NAV2: variants seen among roughly 807,000 people sequenced by gnomAD.
The protein encoded by NAV2 is helicase, APC down-regulated 1.
NAV2 carries 54 observed loss-of-function variants against 223.2 expected under a neutral mutation model. That is an observed-to-expected ratio of 0.24 (90% CI 0.19 to 0.30). The LOEUF is 0.30. Among genes scored for constraint, NAV2 ranks in the 10% least tolerant of loss-of-function variants. The pLI, the probability that NAV2 is intolerant of heterozygous loss-of-function variation, is 1.00. For missense variants in NAV2, 2,806 were observed against 3,147.5 expected, an observed-to-expected ratio of 0.89 and a Z score of 2.60; for synonymous variants, 1,279 against 1,239.3, an observed-to-expected ratio of 1.03 and a Z score of -0.67.
intron 1 of NAV2, among the ~76,000 whole-genome samples, chr11:19,774,501 G>A (rs1004199509): frequency 1.2e-4 from 19 of 152,160 alleles, no homozygotes; most frequent in Admixed American, 1.2e-3. Flanking sequence ...TGACCCAGCT[G>A]TACACTATAC....
intron 1 of NAV2, among the ~76,000 whole-genome samples, chr11:19,742,193 A>T (rs2052900920): frequency 6.6e-6 from 1 of 152,208 alleles, no homozygotes; most frequent in African/African-American, 2.4e-5. Flanking sequence ...TTTTTGGAAG[A>T]CCATGGACTC....
chr11:19,550,134 G>A (rs867463165), intron 1 of NAV2, among the ~76,000 whole-genome samples: 7 of 152,188 alleles, frequency 4.6e-5, no homozygotes, highest in Admixed American at 6.5e-5. Flanking sequence ...CCCGGAGGCA[G>A]CCAGAAAAAC....
intron 1 of NAV2, among the ~76,000 whole-genome samples, chr11:19,447,326 T>A (rs1465809532): frequency 6.6e-6 from 1 of 152,232 alleles, no homozygotes; most frequent in Non-Finnish European, 1.5e-5. Context: ...ATTTGCACCT[T>A]GCTTCGTGGT....
chr11:19,596,206 G>C (rs2046203180), intron 1 of NAV2, among the ~76,000 whole-genome samples: 2 of 152,182 alleles, frequency 1.3e-5, no homozygotes, highest in African/African-American at 2.4e-5. Context: ...CCCAGGGAAG[G>C]CTGGTTTCCT....
At chr11:19,498,356 T>G (rs893338770) in intron 1 of NAV2, among the ~76,000 whole-genome samples, 41 of 152,242 alleles carry the variant, frequency 2.7e-4, no homozygotes, top group African/African-American at 9.2e-4. Flanking sequence ...ATTGGCAGAC[T>G]TAGGTTTGAA....
At chr11:19,516,816 A>C (rs1332155971) in intron 1 of NAV2, among the ~76,000 whole-genome samples, 1 of 152,218 alleles carries the variant, frequency 6.6e-6, no homozygotes, top group Admixed American at 6.5e-5. Context: ...CACCATATAC[A>C]ACATACCCAA....
intron 10 of NAV2, among the ~76,000 whole-genome samples, chr11:19,982,458 A>G (rs1459327582): frequency 6.6e-6 from 1 of 152,164 alleles, no homozygotes; most frequent in Non-Finnish European, 1.5e-5. Context: ...TTTAAAGCAT[A>G]CAATTTGATG....
chr11:20,004,799 T>C (rs1171781093), intron 11 of NAV2, among the ~76,000 whole-genome samples: 1 of 152,256 alleles, frequency 6.6e-6, no homozygotes, highest in Non-Finnish European at 1.5e-5. Flanking sequence ...GTTTCTCGTC[T>C]GCCATTCCTT....
intron 1 of NAV2, among the ~76,000 whole-genome samples, chr11:19,690,522 C>A (rs2049143754): frequency 1.3e-5 from 2 of 152,124 alleles, no homozygotes; most frequent in Non-Finnish European, 2.9e-5. Context: ...ACATGTAAAG[C>A]ATTTAGAATC....
chr11:19,765,783 G>T (rs12791210), intron 1 of NAV2, among the ~76,000 whole-genome samples: 1 of 152,042 alleles, frequency 6.6e-6, no homozygotes, highest in Non-Finnish European at 1.5e-5. Context: ...CTTCCATGTG[G>T]CTTGCTTCCT....
chr11:19,690,825 C>A (rs927707362), intron 1 of NAV2, among the ~76,000 whole-genome samples: 7 of 152,174 alleles, frequency 4.6e-5, no homozygotes, highest in Admixed American at 3.9e-4. Context: ...GAACTGGCCC[C>A]AGAGAGGGGC....
intron 10 of NAV2, among the ~76,000 whole-genome samples, chr11:19,961,594 T>C (rs568338979): frequency 6.6e-6 from 1 of 152,294 alleles, no homozygotes; most frequent in East Asian, 1.9e-4. Context: ...ACTTTAGAGA[T>C]AGAGGCAGAA....
chr11:19,777,498 A>G (rs1357830478), intron 1 of NAV2: 1 of 455,124 alleles, frequency 2.2e-6, no homozygotes. Flanking sequence ...TGGGAACAGA[A>G]TAACACCACC....
At chr11:19,807,369 A>G (rs2152799160) in intron 1 of NAV2, among the ~76,000 whole-genome samples, 1 of 152,294 alleles carries the variant, frequency 6.6e-6, no homozygotes, top group African/African-American at 2.4e-5. Flanking sequence ...CAGAAGACAA[A>G]GATGCTTATT....
intron 1 of NAV2, among the ~76,000 whole-genome samples, chr11:19,718,275 G>T (rs2050468182): frequency 6.6e-6 from 1 of 152,200 alleles, no homozygotes; most frequent in Admixed American, 6.5e-5. Flanking sequence ...CTTCAGATAA[G>T]TAACATGCCT....
intron 7 of NAV2, among the ~76,000 whole-genome samples, chr11:19,934,817 G>GTA (rs2045699037): frequency 2.4e-4 from 1 of 4,136 alleles, no homozygotes; most frequent in African/African-American, 2.9e-4. Context: ...GTAATGGTAG[G>GTA]GGAGGGGCTG....
intron 1 of NAV2, among the ~76,000 whole-genome samples, chr11:19,403,420 CACGTGGAATTT>C (rs1186412980): frequency 6.6e-6 from 1 of 152,132 alleles, no homozygotes; most frequent in South Asian, 2.1e-4. Flanking sequence ...GGTAGGAAGA[CACGTGGAATTT>C]CCCAGAGAAG....
intron 1 of NAV2, among the ~76,000 whole-genome samples, chr11:19,491,016 G>A (rs1176083020): frequency 3.9e-5 from 6 of 152,054 alleles, no homozygotes; most frequent in Non-Finnish European, 5.9e-5. Context: ...ATAATATCTC[G>A]AAAAGAATAT....
chr11:19,688,942 T>C (rs2152254286), intron 1 of NAV2, among the ~76,000 whole-genome samples: 1 of 152,254 alleles, frequency 6.6e-6, no homozygotes, highest in Non-Finnish European at 1.5e-5. Flanking sequence ...CATATGGTCA[T>C]CCTGGCTATG....
Sources: gnomAD v4.1 joint callset for allele counts (sites outside exome capture counted in the v4.1 genomes callset) on GRCh38, gnomAD v4.1.1 for gene constraint, MANE v1.5 for transcripts, NCBI Gene and HGNC (gene_info 2026-07-23, HGNC 2026-07-21) for gene names.